The following EYS variants were observed in gnomAD, a reference collection of about 807,000 sequenced individuals.
EYS encodes EGF-like photoreceptor maintenance factor, also known as protein eyes shut homolog.
Under a neutral mutation model 282.1 loss-of-function variants are expected in EYS, and 250 were observed. The ratio of observed to expected loss-of-function variants is 0.89; its 90% CI spans 0.80 to 0.98. The LOEUF is 0.98. EYS is among the 50% of genes least tolerant of loss of function. The pLI, the probability that EYS is intolerant of heterozygous loss-of-function variation, is 0.00. For missense variants in EYS, 4,016 were observed against 3,709.0 expected (o/e 1.08, Z -2.15); for synonymous variants, 1,355 against 1,282.9 (o/e 1.06, Z -1.20).
At chr6:64,139,262 A>G (rs946102960) in intron 31 of EYS, among the ~76,000 whole-genome samples, 38 of 152,284 alleles carry the variant, frequency 2.5e-4, no homozygotes, top group African/African-American at 8.4e-4. Flanking sequence ...ATTTTCATCA[A>G]TTTCCCAAAG....
At chr6:64,639,984 A>G (rs1768072519) in intron 22 of EYS, among the ~76,000 whole-genome samples, 1 of 138,920 alleles carries the variant, frequency 7.2e-6, no homozygotes, top group African/African-American at 2.7e-5. Context: ...ATCACTGGCC[A>G]TCAGAGAAAT....
rs369237730 is a variant in EYS at position 65,649,137 on chromosome 6, CAAAAAAA to C, written c.-447-9252_-447-9246del. Among the ~76,000 whole-genome samples the C allele has an allele frequency of 5.2e-3, 379 of 72,688 alleles. 1 individual carries two copies. The highest frequency in any genetic ancestry group is 0.023 in the African/African-American group (363 of 15,592). 47.7% of individuals were successfully genotyped at this position (72,688 alleles called of 152,430 possible). On this transcript the variant is annotated intron_variant, in intron 1 of 42. Transcript: ENST00000503581. ...TGTGCGACAGAGCGAGACTCTGTCT[CAAAAAAA>C]AAAAAAAAAAAAAAGGAAAAAAGAA...
In EYS at chr6:64,955,628, T is replaced by C. The variant is rs1008593049; in HGVS notation, c.2260-9714A>G. Among the ~76,000 whole-genome samples the C allele has an allele frequency of 2.1e-4, 32 of 152,188 alleles. 1 individual carries two copies. Among genetic ancestry groups the C allele is most frequent in the African/African-American group, 7.5e-4 (31 of 41,454 alleles). ...GAATATGACCCAGAGCTAATTGTAA[T>C]ATCATCGGCATTGCAGTTTTGGCTC... On this transcript the variant is annotated intron_variant, in intron 14 of 42. Coordinates refer to ENST00000503581, the MANE Select transcript of EYS (RefSeq NM_001142800.2).
intron 10 of EYS, among the ~76,000 whole-genome samples, chr6:65,336,458 T>A (rs1237649294): frequency 6.6e-6 from 1 of 151,698 alleles, no homozygotes; most frequent in Non-Finnish European, 1.5e-5. Flanking sequence ...TATGTATGTA[T>A]ATATATGTAT....
Position 65,317,801 on chromosome 6 carries a change from C to A in EYS, c.1766+17179G>T, listed in dbSNP as rs189970115. Among the ~76,000 whole-genome samples, 160 of 33,734 alleles carry A rather than the reference C, an allele frequency of 4.7e-3. 1 individual carries two copies. In the East Asian group the frequency reaches 0.074, roughly 16 times the overall value. 22.1% of individuals were successfully genotyped at this position (33,734 alleles called of 152,430 possible). On this transcript the variant is annotated intron_variant, in intron 11 of 42. Coordinates refer to ENST00000503581, the MANE Select transcript of EYS (RefSeq NM_001142800.2). The stretch of plus-strand genomic sequence containing the variant: ...CTCTTCCTTCCTTCCTTCCTTCCTT[C>A]CTTCCTTCCTTCCTTCCTTCCTTCC...
Position 65,402,569 on chromosome 6 carries a change from A to T in EYS, c.1093T>A (p.Leu365Met), listed in dbSNP as rs778452214. 6.3e-7 allele frequency: 1 copy of T among 1,579,908 alleles called. No individual in the cohort carries two copies. Among genetic ancestry groups the T allele is most frequent in the Non-Finnish European group, 8.7e-7 (1 of 1,149,804 alleles). The change falls in exon 7 of 43, where the codon TTG becomes ATG. Residue 365 changes from leucine (L) to methionine (M), a missense_variant. Transcript: ENST00000503581. ...MCICSPIFTD[L>M]LCKSIQTSCE... Reference sequence around the variant, plus strand: ...GATGTTTGAATGCTCTTACAAAGCAAATCTGTAAATATTGGTGAACAGATG... The same window carrying T: ...GATGTTTGAATGCTCTTACAAAGCATATCTGTAAATATTGGTGAACAGATG...
chr6:64,995,539 T>C (rs1051282575), intron 14 of EYS, among the ~76,000 whole-genome samples: 2 of 152,170 alleles, frequency 1.3e-5, no homozygotes, highest in African/African-American at 4.8e-5. Context: ...GTGGTCTCCA[T>C]AACACCATTT....
At chr6:63,837,036 C>T (rs558499069) in intron 36 of EYS, among the ~76,000 whole-genome samples, 1 of 151,950 alleles carries the variant, frequency 6.6e-6, no homozygotes, top group Non-Finnish European at 1.5e-5. Flanking sequence ...TTCTCCACAG[C>T]GTCTGATACT....
At chr6:64,076,737 C>T (rs188492709) in intron 32 of EYS, among the ~76,000 whole-genome samples, 1 of 151,974 alleles carries the variant, frequency 6.6e-6, no homozygotes, top group Admixed American at 6.6e-5. Context: ...TTATAATTTA[C>T]CCAGTCTTGG....
intron 19 of EYS, among the ~76,000 whole-genome samples, chr6:64,855,688 T>C (rs902541944): frequency 2.0e-5 from 3 of 152,210 alleles, no homozygotes; most frequent in South Asian, 2.1e-4. Flanking sequence ...GTTGTTTGGG[T>C]TTTCACAATT....
At chr6:65,332,566 A>G in intron 11 of EYS, 1 of 568,388 alleles carries the variant, frequency 1.8e-6, no homozygotes, top group Non-Finnish European at 3.0e-6. Flanking sequence ...ATAGTGCTAT[A>G]TAGAGGGATT....
At chr6:63,919,636 T>TC (rs1431065296) in intron 35 of EYS, among the ~76,000 whole-genome samples, 3 of 152,200 alleles carry the variant, frequency 2.0e-5, no homozygotes, top group African/African-American at 7.2e-5. Flanking sequence ...TGGCAATCCC[T>TC]CTCTTGACCT....
intron 1 of EYS, among the ~76,000 whole-genome samples, chr6:65,686,920 CTT>C (rs906426639): frequency 7.4e-5 from 11 of 149,186 alleles, no homozygotes; most frequent in Non-Finnish European, 1.3e-4. Flanking sequence ...TGAAAGGGAG[CTT>C]TTTTTTTAAT....
At chr6:64,122,345 A>G (rs1773618322) in intron 31 of EYS, among the ~76,000 whole-genome samples, 1 of 152,162 alleles carries the variant, frequency 6.6e-6, no homozygotes, top group South Asian at 2.1e-4. Context: ...TTGCTTGTGG[A>G]TATGAATTAG....
chr6:65,290,288 G>C (rs1369266313), intron 12 of EYS, among the ~76,000 whole-genome samples: 1 of 150,812 alleles, frequency 6.6e-6, no homozygotes, highest in Non-Finnish European at 1.5e-5. Flanking sequence ...AGAAAACCTT[G>C]AGAATAAATC....
intron 22 of EYS, among the ~76,000 whole-genome samples, chr6:64,721,793 A>G (rs1771590783): frequency 6.6e-6 from 1 of 152,152 alleles, no homozygotes; most frequent in South Asian, 2.1e-4. Context: ...ACCACATTGA[A>G]ATCTTGGTTT....
chr6:64,388,522 G>A (rs1772984511), intron 29 of EYS, among the ~76,000 whole-genome samples, 168 bp downstream of exon 29: 1 of 152,130 alleles, frequency 6.6e-6, no homozygotes, highest in Non-Finnish European at 1.5e-5. Flanking sequence ...TGGTATGATA[G>A]ATAAAAATAT....
intron 22 of EYS, among the ~76,000 whole-genome samples, chr6:64,627,184 G>A (rs114041308): frequency 7.9e-5 from 12 of 152,146 alleles, no homozygotes; most frequent in Non-Finnish European, 1.6e-4. Context: ...GAATACAAAC[G>A]TAAGTAAAAC....
chr6:65,397,398 A>G (rs1223813668), intron 7 of EYS, among the ~76,000 whole-genome samples: 2 of 151,792 alleles, frequency 1.3e-5, no homozygotes, highest in Admixed American at 6.6e-5. Flanking sequence ...AGAGTCTCCA[A>G]TATCTATTAT....
Sources: allele counts gnomAD v4.1 joint callset (sites outside exome capture counted in the v4.1 genomes callset), GRCh38; gene constraint gnomAD v4.1.1; transcripts MANE v1.5; gene names NCBI Gene and HGNC (gene_info 2026-07-23, HGNC 2026-07-21).